The following SV2C variants were observed in gnomAD, a reference collection of about 807,000 sequenced individuals.
The protein encoded by SV2C is solute carrier family 22 member B3.
SV2C carries 49 observed loss-of-function variants against 79.7 expected under a neutral mutation model. That is an observed-to-expected ratio of 0.61 (90% CI 0.49 to 0.78). The LOEUF is 0.78. Among genes scored for constraint, SV2C ranks in the 30% least tolerant of loss-of-function variants. SV2C has a pLI of 0.00. For missense variants in SV2C, 833 were observed against 912.9 expected, an observed-to-expected ratio of 0.91 and a Z score of 1.13; for synonymous variants, 334 against 333.2, an observed-to-expected ratio of 1.00 and a Z score of -0.03.
chr5:76,315,186 G>GCTCA (rs1491124647), intron 12 of SV2C, among the ~76,000 whole-genome samples: 1 of 125,124 alleles, frequency 8.0e-6, no homozygotes, highest in Non-Finnish European at 1.7e-5. Flanking sequence ...ACATGGCCAG[G>GCTCA]CGCACACACA....
the SV2C span, among the ~76,000 whole-genome samples, chr5:75,873,232 G>C: frequency 6.6e-6 from 1 of 152,074 alleles, no homozygotes; most frequent in Non-Finnish European, 1.5e-5. Flanking sequence ...TAAAAGGACT[G>C]TTATGAAACA....
chr5:76,030,266 G>GTTTTTTTTTTTTTTTTTTTTTTTTTT, the SV2C span, among the ~76,000 whole-genome samples: 1 of 31,978 alleles, frequency 3.1e-5, no homozygotes, highest in African/African-American at 1.5e-4. Context: ...TCAGAGGCTT[G>GTTTTTTTTTTTTTTTTTTTTTTTTTT]TTTTTTTTTT....
intron 2 of SV2C, among the ~76,000 whole-genome samples, chr5:76,141,123 G>A (rs1749237168): frequency 6.6e-6 from 1 of 152,180 alleles, no homozygotes; most frequent in Non-Finnish European, 1.5e-5. Flanking sequence ...GAGGTGGACT[G>A]AGCAGCCTGA....
intron 1 of SV2C, among the ~76,000 whole-genome samples, chr5:76,091,018 T>G (rs1747358320): frequency 6.6e-6 from 1 of 152,140 alleles, no homozygotes; most frequent in Non-Finnish European, 1.5e-5. Flanking sequence ...AGCACGCCAA[T>G]TTTCTTGATT....
the SV2C span, among the ~76,000 whole-genome samples, chr5:76,003,160 T>C: frequency 6.6e-6 from 1 of 152,288 alleles, no homozygotes; most frequent in African/African-American, 2.4e-5. Flanking sequence ...CTTCTGCCAT[T>C]ATTGTAGGTT....
intron 4 of SV2C, among the ~76,000 whole-genome samples, chr5:76,235,644 C>G (rs571198993): frequency 1.3e-5 from 2 of 151,950 alleles, no homozygotes; most frequent in South Asian, 4.2e-4. Context: ...AAATCCCAGG[C>G]TATCGATTTC....
chr5:76,059,314 T>C, the SV2C span, among the ~76,000 whole-genome samples: 1 of 152,068 alleles, frequency 6.6e-6, no homozygotes, highest in South Asian at 2.1e-4. Context: ...CTCTGTAGCA[T>C]GCGAGGATGT....
the SV2C span, among the ~76,000 whole-genome samples, chr5:75,929,074 C>T: frequency 6.6e-6 from 1 of 152,082 alleles, no homozygotes; most frequent in African/African-American, 2.4e-5. Context: ...AGAGGCCTCC[C>T]CCAAATCATT....
the SV2C span, among the ~76,000 whole-genome samples, chr5:75,988,415 G>A: frequency 6.6e-6 from 1 of 151,894 alleles, no homozygotes; most frequent in Admixed American, 6.6e-5. Context: ...ATTTATCATA[G>A]TATTTTCTTC....
At chr5:76,074,080 A>T in the SV2C span, among the ~76,000 whole-genome samples, 1 of 152,166 alleles carries the variant, frequency 6.6e-6, no homozygotes, top group East Asian at 1.9e-4. Context: ...GGCCTGTGTC[A>T]TTCAGAACTT....
chr5:76,168,002 G>T (rs932423904), intron 2 of SV2C, among the ~76,000 whole-genome samples: 6 of 152,138 alleles, frequency 3.9e-5, no homozygotes, highest in Non-Finnish European at 5.9e-5. Flanking sequence ...CTTCTTCCTT[G>T]CAATGAAATC....
the SV2C span, among the ~76,000 whole-genome samples, chr5:75,853,607 C>CAAAAAAAA: frequency 8.9e-3 from 252 of 28,456 alleles, 14 homozygotes; most frequent in African/African-American, 0.018. Flanking sequence ...GACTCCGTCT[C>CAAAAAAAA]AAAAAAAAAA....
intron 1 of SV2C, among the ~76,000 whole-genome samples, chr5:76,119,781 A>G (rs1295386762): frequency 6.6e-6 from 1 of 152,198 alleles, no homozygotes; most frequent in African/African-American, 2.4e-5. Flanking sequence ...TGTAGGGTCC[A>G]AGCAGGCAAA....
At chr5:76,174,173 TACTC>T (rs1743442524) in intron 2 of SV2C, 1 of 1,612,416 alleles carries the variant, frequency 6.2e-7, no homozygotes, top group Non-Finnish European at 8.5e-7. Flanking sequence ...GACTAGCTTA[TACTC>T]ACGCATGATG....
At chr5:76,073,501 GTGTATATATATATA>G in the SV2C span, among the ~76,000 whole-genome samples, 32 of 87,252 alleles carry the variant, frequency 3.7e-4, no homozygotes, top group African/African-American at 1.1e-3. Flanking sequence ...ATGTATGTGT[GTGTATATATATATA>G]TATATATATA....
chr5:76,288,197 C>A (rs907153336), intron 6 of SV2C, among the ~76,000 whole-genome samples: 7 of 151,820 alleles, frequency 4.6e-5, no homozygotes, highest in Admixed American at 6.6e-5. Flanking sequence ...TTATACCTAA[C>A]AAACATCAAT....
upstream of SV2C, chr5:76,078,900 T>C: frequency 1.8e-6 from 1 of 560,782 alleles, no homozygotes; most frequent in South Asian, 1.4e-5. Flanking sequence ...AGAGTTACAA[T>C]GATGACTTGC....
chr5:75,986,702 A>T, the SV2C span, among the ~76,000 whole-genome samples: 1 of 152,034 alleles, frequency 6.6e-6, no homozygotes, highest in Non-Finnish European at 1.5e-5. Context: ...CACTGGTTCC[A>T]TTCATAACCT....
intron 1 of SV2C, among the ~76,000 whole-genome samples, chr5:76,092,326 C>T (rs1248844512): frequency 2.0e-5 from 3 of 152,150 alleles, no homozygotes; most frequent in East Asian, 1.9e-4. Context: ...GTTTTTCAAG[C>T]ATGTGTAAGT....
Sources: gnomAD v4.1 joint callset for allele counts (sites outside exome capture counted in the v4.1 genomes callset) on GRCh38, gnomAD v4.1.1 for gene constraint, MANE v1.5 for transcripts, NCBI Gene and HGNC (gene_info 2026-07-23, HGNC 2026-07-21) for gene names.